Variants in ANXA8 observed in about 807,000 individuals in gnomAD.
ANXA8 encodes the protein VAC-beta.
In ANXA8, 9 loss-of-function variants were observed where a neutral mutation model predicts 26.8. The observed-to-expected ratio is 0.34, with a 90% CI of 0.20 to 0.59. The LOEUF is 0.59. ANXA8 is among the 20% of genes least tolerant of loss of function. ANXA8 has a pLI of 0.84. For missense variants in ANXA8, 83 were observed against 238.5 expected (o/e 0.35, Z 4.29); for synonymous variants, 39 against 94.8 (o/e 0.41, Z 3.42).
At chr10:47,942,649 G>A in the ANXA8 span, among the ~76,000 whole-genome samples, 3 of 142,718 alleles carry the variant, frequency 2.1e-5, no homozygotes, top group Non-Finnish European at 4.5e-5. Flanking sequence ...ATCTCTAAAA[G>A]CAAATGAGTC....
At chr10:47,744,923 G>A in the ANXA8 span, among the ~76,000 whole-genome samples, 3 of 151,918 alleles carry the variant, frequency 2.0e-5, no homozygotes, top group Non-Finnish European at 4.4e-5. Context: ...GCTCTGTTCA[G>A]CATTTAAAAT....
the ANXA8 span, among the ~76,000 whole-genome samples, chr10:47,701,200 T>TAAA: frequency 7.1e-6 from 1 of 141,358 alleles, no homozygotes; most frequent in African/African-American, 2.6e-5. Flanking sequence ...TTGGCAAAAT[T>TAAA]AAAAAAAAAA....
chr10:47,517,278 T>C, the ANXA8 span, among the ~76,000 whole-genome samples: 1 of 111,548 alleles, frequency 9.0e-6, no homozygotes, highest in Non-Finnish European at 1.8e-5. Context: ...CTTTTTTTTT[T>C]TTTTTTTTTT....
the ANXA8 span, among the ~76,000 whole-genome samples, chr10:47,733,207 T>TCTCTCTCTC: frequency 1.1e-5 from 1 of 89,982 alleles, no homozygotes; most frequent in Non-Finnish European, 2.4e-5. Flanking sequence ...CTTTCTTTCT[T>TCTCTCTCTC]TCTTTCTTTC....
At chr10:47,655,951 T>C in the ANXA8 span, among the ~76,000 whole-genome samples, 1 of 151,740 alleles carries the variant, frequency 6.6e-6, no homozygotes, top group South Asian at 2.1e-4. Flanking sequence ...ACCTGGGAGG[T>C]GGAAGTTTCG....
At chr10:47,658,243 C>T in the ANXA8 span, among the ~76,000 whole-genome samples, 1 of 151,536 alleles carries the variant, frequency 6.6e-6, no homozygotes, top group Non-Finnish European at 1.5e-5. Flanking sequence ...TGGCACGCAC[C>T]TGTAGTCCCA....
At chr10:47,647,069 G>A in the ANXA8 span, among the ~76,000 whole-genome samples, 1 of 152,340 alleles carries the variant, frequency 6.6e-6, no homozygotes, top group Non-Finnish European at 1.5e-5. Context: ...AGCACTGTGT[G>A]CTCCTATGAG....
chr10:47,899,085 G>A, the ANXA8 span, among the ~76,000 whole-genome samples: 19 of 151,716 alleles, frequency 1.3e-4, no homozygotes, highest in South Asian at 6.2e-4. Context: ...TGATCCGCCC[G>A]CCTTGGCCTC....
chr10:47,743,693 C>A, the ANXA8 span, among the ~76,000 whole-genome samples: 1 of 149,114 alleles, frequency 6.7e-6, no homozygotes, highest in African/African-American at 2.5e-5. Context: ...AGACACGCTG[C>A]GGGAGGCTGT....
chr10:47,581,731 C>T, the ANXA8 span, among the ~76,000 whole-genome samples: 5 of 150,836 alleles, frequency 3.3e-5, no homozygotes, highest in South Asian at 2.1e-4. Context: ...CCCAGTCTCC[C>T]GAGTAGCTGG....
chr10:47,599,769 T>C, the ANXA8 span: 26 of 151,208 alleles, frequency 1.7e-4, no homozygotes, highest in Admixed American at 1.1e-3. Flanking sequence ...AATTAAGCCA[T>C]GGAGGCTATT....
the ANXA8 span, among the ~76,000 whole-genome samples, chr10:47,691,640 T>G: frequency 6.0e-5 from 9 of 150,716 alleles, no homozygotes; most frequent in Middle Eastern, 3.4e-3. Flanking sequence ...GTGCCTGTAG[T>G]CCCAGCTACC....
the ANXA8 span, among the ~76,000 whole-genome samples, chr10:47,777,399 C>A: frequency 3.9e-5 from 6 of 152,042 alleles, no homozygotes; most frequent in Non-Finnish European, 7.4e-5. Context: ...GCAATCCTCC[C>A]ATCTTGGCCT....
At chr10:47,530,483 T>C in the ANXA8 span, among the ~76,000 whole-genome samples, 1 of 144,312 alleles carries the variant, frequency 6.9e-6, no homozygotes. Flanking sequence ...AGGTCAGGAG[T>C]TCGAGACCAG....
chr10:47,684,670 C>T, the ANXA8 span, among the ~76,000 whole-genome samples: 1 of 151,828 alleles, frequency 6.6e-6, no homozygotes, highest in East Asian at 1.9e-4. Flanking sequence ...ACTGCAACTT[C>T]CACCTCCTGG....
chr10:47,627,337 T>C, the ANXA8 span, among the ~76,000 whole-genome samples: 2 of 150,298 alleles, frequency 1.3e-5, no homozygotes, highest in African/African-American at 5.0e-5. Flanking sequence ...TAATGTGAAT[T>C]TCTTAAGTGT....
the ANXA8 span, among the ~76,000 whole-genome samples, chr10:47,706,025 C>G: frequency 3.9e-5 from 6 of 151,996 alleles, no homozygotes; most frequent in East Asian, 1.2e-3. Context: ...GGCGCCGCCG[C>G]GCGGTCGGTT....
the ANXA8 span, among the ~76,000 whole-genome samples, chr10:47,670,184 C>G: frequency 3.3e-5 from 5 of 151,838 alleles, 1 homozygote; most frequent in Non-Finnish European, 7.4e-5. Context: ...TAGCATAGAT[C>G]ACTGCTTCCT....
the ANXA8 span, among the ~76,000 whole-genome samples, chr10:47,683,620 T>C: frequency 5.9e-5 from 9 of 151,950 alleles, no homozygotes; most frequent in Admixed American, 3.9e-4. Context: ...AATAAAAGGA[T>C]GACTTTCTTT....
Sources: allele counts gnomAD v4.1 joint callset (sites outside exome capture counted in the v4.1 genomes callset), GRCh38; gene constraint gnomAD v4.1.1; transcripts MANE v1.5; gene names NCBI Gene and HGNC (gene_info 2026-07-23, HGNC 2026-07-21).